Variants in COL21A1 observed in about 807,000 individuals in gnomAD.
COL21A1 encodes the protein collagen type XXI alpha 1 chain.
Under a neutral mutation model 137.9 loss-of-function variants are expected in COL21A1, and 149 were observed. The ratio of observed to expected loss-of-function variants is 1.08; its 90% CI spans 0.95 to 1.24. The LOEUF is 1.24. Among genes scored for constraint, COL21A1 ranks in the 50% most tolerant of loss-of-function variants. The pLI, the probability that COL21A1 is intolerant of heterozygous loss-of-function variation, is 0.00. For missense variants in COL21A1, 1,167 were observed against 1,158.4 expected, an observed-to-expected ratio of 1.01 and a Z score of -0.11; for synonymous variants, 456 against 391.5, an observed-to-expected ratio of 1.16 and a Z score of -1.95.
chr6:56,212,259 T>C (rs182940249), intron 1 of COL21A1, among the ~76,000 whole-genome samples: 94 of 152,164 alleles, frequency 6.2e-4, no homozygotes, highest in African/African-American at 2.1e-3. Flanking sequence ...TTTTCTACTT[T>C]GAATTATCCT....
At chr6:56,151,003 C>T (rs987724779) in intron 10 of COL21A1, among the ~76,000 whole-genome samples, 15 of 152,166 alleles carry the variant, frequency 9.9e-5, no homozygotes, top group Non-Finnish European at 1.9e-4. Context: ...GCGGGTGGAT[C>T]ACGAGGTCAG....
chr6:56,240,718 C>G (rs1377084537), intron 1 of COL21A1, among the ~76,000 whole-genome samples: 1 of 152,162 alleles, frequency 6.6e-6, no homozygotes, highest in Non-Finnish European at 1.5e-5. Context: ...GTCTAACTCT[C>G]CTTACTGCAG....
At chr6:56,119,855 A>G (rs1173311605) in intron 16 of COL21A1, among the ~76,000 whole-genome samples, 1 of 152,220 alleles carries the variant, frequency 6.6e-6, no homozygotes, top group Non-Finnish European at 1.5e-5. Flanking sequence ...GGATGTTCCT[A>G]TGCAGAACAA....
intron 1 of COL21A1, among the ~76,000 whole-genome samples, chr6:56,352,074 C>G (rs1489481506): frequency 6.6e-6 from 1 of 152,022 alleles, no homozygotes; most frequent in Non-Finnish European, 1.5e-5. Flanking sequence ...TTCAAGACAG[C>G]CTGGGAAACA....
In COL21A1 at chr6:56,171,086, TCA is replaced by T; in HGVS notation, c.681_682del (p.Asp227GlufsTer5). On this transcript the variant is annotated frameshift_variant, in exon 4 of 30. Coordinates refer to ENST00000244728, the MANE Select transcript of COL21A1 (RefSeq NM_030820.4). LOFTEE classifies it high-confidence loss of function. ...ACCTAAAAGAATATCAAATCCCCTT[TCA>T]TCACGAGCTGCCACTGGAATTCGTG... 6.2e-7 allele frequency: 1 copy of T among 1,608,232 alleles called. No homozygotes were observed. The highest frequency in any genetic ancestry group is 1.1e-5 in the South Asian group (1 of 89,704).
rs147255173 is a variant in COL21A1, at chr6:56,208,943, A to C, written c.-38-26287T>G. Among the ~76,000 whole-genome samples, 847 of 152,330 alleles carry C rather than the reference A, an allele frequency of 5.6e-3. 9 individuals carry two copies. The highest frequency in any genetic ancestry group is 0.019 in the African/African-American group (806 of 41,574). ...ACAGGGAAAGGATTCCTTATTTAAT[A>C]AATGGTGTTTGGAAAACTAGCTAGC... On this transcript the variant is annotated intron_variant, in intron 1 of 29. Transcript: ENST00000244728.
chr6:56,314,435 G>T (rs983991013), intron 1 of COL21A1, among the ~76,000 whole-genome samples: 9 of 152,070 alleles, frequency 5.9e-5, no homozygotes, highest in African/African-American at 9.7e-5. Flanking sequence ...TCTTCCCATT[G>T]AGTAAGTCTA....
chr6:56,220,237 G>A (rs1780746910), intron 1 of COL21A1, among the ~76,000 whole-genome samples: 1 of 152,134 alleles, frequency 6.6e-6, no homozygotes, highest in South Asian at 2.1e-4. Context: ...TGGCAGGCCA[G>A]CCAGGACTTG....
At chr6:56,159,634 C>CTTT (rs11449474) in intron 9 of COL21A1, among the ~76,000 whole-genome samples, 6 of 123,548 alleles carry the variant, frequency 4.9e-5, no homozygotes, top group African/African-American at 6.1e-5. Flanking sequence ...CCTGGCCTTA[C>CTTT]TTTTTTTTTT....
rs531869048 is a variant in COL21A1 at position 56,170,793 on chromosome 6, A to C, written c.882T>G (p.Ile294Met). Reference sequence around the variant, plus strand: ...TAGTTAATATTCTCCATAAATCCCAAATTTTCTTGACTTTAAATCTTTGAG... The same window carrying C: ...TAGTTAATATTCTCCATAAATCCCACATTTTCTTGACTTTAAATCTTTGAG... Reference protein sequence around the residue: ...VSTQRFKVKKIWDLWRILTID... With the variant: ...VSTQRFKVKKMWDLWRILTID... The change falls in exon 5 of 30, where the codon ATT becomes ATG. Residue 294 changes from isoleucine (I) to methionine (M), a missense_variant. Physicochemically the swap from Ile to Met is conservative, Grantham distance 10. Coordinates refer to ENST00000244728, the MANE Select transcript of COL21A1 (RefSeq NM_030820.4). The C allele has an allele frequency of 3.1e-6, 5 of 1,610,100 alleles. No homozygotes were observed. Among genetic ancestry groups the C allele is most frequent in the East Asian group, 2.2e-5 (1 of 44,792 alleles).
chr6:56,059,900 C>A, intron 28 of COL21A1, 118 bp downstream of exon 28: 1 of 644,000 alleles, frequency 1.6e-6, no homozygotes. Context: ...TAAAGACGAG[C>A]ATTTACAGAT....
chr6:56,084,824 G>A (rs1437282050), intron 17 of COL21A1, among the ~76,000 whole-genome samples: 1 of 152,022 alleles, frequency 6.6e-6, no homozygotes, highest in Admixed American at 6.6e-5. Flanking sequence ...AGAACAACTG[G>A]AAAGAATTAT....
intron 1 of COL21A1, among the ~76,000 whole-genome samples, chr6:56,219,216 CAAA>C (rs386407160): frequency 2.6e-5 from 2 of 76,480 alleles, no homozygotes; most frequent in Non-Finnish European, 2.3e-5. Context: ...AAACTTGCAC[CAAA>C]AAAAAAAAAA....
At chr6:56,091,993 TAA>T (rs1211327385) in intron 17 of COL21A1, among the ~76,000 whole-genome samples, 2 of 152,026 alleles carry the variant, frequency 1.3e-5, no homozygotes, top group Non-Finnish European at 2.9e-5. Context: ...TCCAAAATAT[TAA>T]GTTAGGAAAA....
intron 3 of COL21A1, among the ~76,000 whole-genome samples, chr6:56,177,456 A>G (rs1777570252): frequency 6.6e-6 from 1 of 152,172 alleles, no homozygotes; most frequent in African/African-American, 2.4e-5. Context: ...TAATATAGCA[A>G]TGTTTTAGTT....
intron 1 of COL21A1, among the ~76,000 whole-genome samples, chr6:56,347,493 C>T (rs1253332609): frequency 7.5e-6 from 1 of 134,208 alleles, no homozygotes; most frequent in Non-Finnish European, 1.5e-5. Context: ...TTGGGCTGCA[C>T]ATTAGAATCA....
chr6:56,099,635 A>C, intron 17 of COL21A1, among the ~76,000 whole-genome samples: 1 of 147,418 alleles, frequency 6.8e-6, no homozygotes, highest in Admixed American at 6.7e-5. Flanking sequence ...TCCTTCTCTC[A>C]CCTCTCTTTG....
At chr6:56,146,426 T>C (rs1011809509) in intron 10 of COL21A1, among the ~76,000 whole-genome samples, 2 of 152,266 alleles carry the variant, frequency 1.3e-5, no homozygotes, top group African/African-American at 4.8e-5. Flanking sequence ...TGTCATTCTA[T>C]GTATAACTAA....
intron 1 of COL21A1, among the ~76,000 whole-genome samples, chr6:56,265,232 G>T (rs987301127): frequency 6.6e-6 from 1 of 152,198 alleles, no homozygotes; most frequent in East Asian, 1.9e-4. Context: ...TCTTGATGAG[G>T]ATCCTAGGCA....
Sources: gnomAD v4.1 joint callset for allele counts (sites outside exome capture counted in the v4.1 genomes callset) on GRCh38, gnomAD v4.1.1 for gene constraint, MANE v1.5 for transcripts, NCBI Gene and HGNC (gene_info 2026-07-23, HGNC 2026-07-21) for gene names.